The following FRAS1 variants were observed in gnomAD, a reference collection of about 807,000 sequenced individuals.
The protein encoded by FRAS1 is Fraser extracellular matrix complex subunit 1.
FRAS1 carries 290 observed loss-of-function variants against 435.2 expected under a neutral mutation model. The ratio of observed to expected loss-of-function variants is 0.67; its 90% CI spans 0.61 to 0.73. FRAS1 has a LOEUF of 0.73. Ranked by LOEUF, FRAS1 falls within the 30% of genes least tolerant of loss-of-function variation. The pLI, the probability that FRAS1 is intolerant of heterozygous loss-of-function variation, is 0.00. For missense variants in FRAS1, 4,860 were observed against 5,001.5 expected (o/e 0.97, Z 0.85); for synonymous variants, 1,800 against 1,851.0 (o/e 0.97, Z 0.71).
chr4:78,290,137 C>T (rs1433030790), intron 14 of FRAS1, among the ~76,000 whole-genome samples: 1 of 152,012 alleles, frequency 6.6e-6, no homozygotes, highest in East Asian at 1.9e-4. Flanking sequence ...ACAACACGCA[C>T]CATGTAAGAT....
At chr4:78,372,975 G>A in intron 24 of FRAS1, 117 bp downstream of exon 24, 1 of 1,181,736 alleles carries the variant, frequency 8.5e-7, no homozygotes, top group Non-Finnish European at 1.2e-6. Context: ...CCCCATTTCT[G>A]GTTTCTTTCC....
intron 38 of FRAS1, among the ~76,000 whole-genome samples, chr4:78,435,452 A>T (rs563100565): frequency 6.6e-6 from 1 of 152,266 alleles, no homozygotes; most frequent in African/African-American, 2.4e-5. Flanking sequence ...TAAAACAGAG[A>T]TGCTAGCTGG....
At chr4:78,402,825 G>A (rs921711403) in intron 30 of FRAS1, among the ~76,000 whole-genome samples, 40 of 152,220 alleles carry the variant, frequency 2.6e-4, no homozygotes, top group African/African-American at 8.9e-4. Flanking sequence ...TTATGACACT[G>A]ACTCTTTTGA....
rs1578115256 is a variant in FRAS1, at chr4:78,088,359, T to G, written c.108+22343T>G. The stretch of plus-strand genomic sequence containing the variant: ...AACCTAGGCAATACCATTCAGGACA[T>G]AGGCATGGGCAAGGACTTCATGTCT... On this transcript the variant is annotated intron_variant, in intron 2 of 73. Coordinates refer to ENST00000512123, the MANE Select transcript of FRAS1 (RefSeq NM_025074.7). Among the ~76,000 whole-genome samples the G allele has an allele frequency of 2.0e-5, 3 of 152,298 alleles. No homozygotes were observed. The East Asian group carries it at 5.8e-4, about 29-fold the overall frequency.
intron 29 of FRAS1, among the ~76,000 whole-genome samples, chr4:78,394,703 A>G (rs77665885): frequency 0.016 from 2,509 of 152,136 alleles, 66 homozygotes; most frequent in African/African-American, 0.053. Flanking sequence ...TTGTGGTTCC[A>G]TATGAATTTT....
chr4:78,473,371 G>C, intron 52 of FRAS1, 67 bp from the exon 53 acceptor site: 1 of 1,291,662 alleles, frequency 7.7e-7, no homozygotes, highest in Non-Finnish European at 1.1e-6. Flanking sequence ...AGGTTTGTTG[G>C]TGTGGTAATC....
chr4:78,138,841 T>C (rs1331899998), intron 2 of FRAS1, among the ~76,000 whole-genome samples: 1 of 152,252 alleles, frequency 6.6e-6, no homozygotes, highest in East Asian at 1.9e-4. Context: ...GTTGCTATTA[T>C]ACTGTAGCTT....
intron 47 of FRAS1, among the ~76,000 whole-genome samples, chr4:78,454,983 A>G (rs1451961286): frequency 6.6e-6 from 1 of 152,176 alleles, no homozygotes; most frequent in Non-Finnish European, 1.5e-5. Context: ...TGGTTCCTTC[A>G]GGTGCCCTTT....
intron 2 of FRAS1, among the ~76,000 whole-genome samples, chr4:78,134,380 C>T (rs1719833879): frequency 6.6e-6 from 1 of 152,114 alleles, no homozygotes; most frequent in South Asian, 2.1e-4. Context: ...TTTCCTGTCA[C>T]TTGTCTCTTC....
At chr4:78,239,105 C>T (rs1724888759) in intron 3 of FRAS1, among the ~76,000 whole-genome samples, 1 of 152,152 alleles carries the variant, frequency 6.6e-6, no homozygotes, top group African/African-American at 2.4e-5. Context: ...CCATGTGTGA[C>T]TCTCAAAAGC....
At chr4:78,282,418 A>T (rs1172459241) in intron 11 of FRAS1, among the ~76,000 whole-genome samples, 1 of 152,180 alleles carries the variant, frequency 6.6e-6, no homozygotes, top group East Asian at 1.9e-4. Flanking sequence ...CAAGTGTCCC[A>T]CTGTTATTTT....
At chr4:78,262,406 C>A (rs955082816) in intron 6 of FRAS1, among the ~76,000 whole-genome samples, 1 of 152,192 alleles carries the variant, frequency 6.6e-6, no homozygotes, top group African/African-American at 2.4e-5. Flanking sequence ...AACTCTTTGC[C>A]TCAAACAGCA....
chr4:78,244,874 C>T (rs1277396612), intron 3 of FRAS1, among the ~76,000 whole-genome samples: 1 of 152,190 alleles, frequency 6.6e-6, no homozygotes, highest in Non-Finnish European at 1.5e-5. Context: ...GACCTGCCAG[C>T]TCTGTGGCCA....
At chr4:78,486,967 C>G (rs1166651137) in intron 58 of FRAS1, among the ~76,000 whole-genome samples, 1 of 151,984 alleles carries the variant, frequency 6.6e-6, no homozygotes, top group African/African-American at 2.4e-5. Context: ...AACATAACCA[C>G]TTCAGCCTTT....
At chr4:78,172,985 A>AC (rs1490422972) in intron 2 of FRAS1, among the ~76,000 whole-genome samples, 5 of 151,530 alleles carry the variant, frequency 3.3e-5, no homozygotes, top group East Asian at 3.9e-4. Context: ...TATCCATGAC[A>AC]CCCAAAAAAG....
intron 6 of FRAS1, among the ~76,000 whole-genome samples, chr4:78,260,090 GT>G (rs1205589891): frequency 1.3e-5 from 2 of 151,902 alleles, no homozygotes; most frequent in Non-Finnish European, 2.9e-5. Flanking sequence ...GTAGCATGCT[GT>G]TTTGGTTACT....
At chr4:78,511,212 A>T in intron 63 of FRAS1, 62 bp from the exon 64 acceptor site, 1 of 1,302,628 alleles carries the variant, frequency 7.7e-7, no homozygotes, top group Non-Finnish European at 1.1e-6. Context: ...CTTGAACCAG[A>T]TCATGTAAGG....
intron 2 of FRAS1, among the ~76,000 whole-genome samples, chr4:78,152,923 C>G (rs369763835): frequency 6.6e-6 from 1 of 152,130 alleles, no homozygotes; most frequent in African/African-American, 2.4e-5. Flanking sequence ...CCTCGTCCTA[C>G]TCAGTTTACT....
chr4:78,449,278 C>G (rs1156327760), intron 44 of FRAS1, among the ~76,000 whole-genome samples: 1 of 152,140 alleles, frequency 6.6e-6, no homozygotes, highest in Non-Finnish European at 1.5e-5. Context: ...CAGTAGGATG[C>G]ATCACAGAGG....
Sources: allele counts gnomAD v4.1 joint callset (sites outside exome capture counted in the v4.1 genomes callset), GRCh38; gene constraint gnomAD v4.1.1; transcripts MANE v1.5; gene names NCBI Gene and HGNC (gene_info 2026-07-23, HGNC 2026-07-21).